The following PDE1C variants were observed in gnomAD, a reference collection of about 807,000 sequenced individuals.
PDE1C encodes the protein dual specificity calcium/calmodulin-dependent 3',5'-cyclic nucleotide phosphodiesterase 1C.
A neutral mutation model predicts 93.1 loss-of-function variants in PDE1C; 62 were observed. The ratio of observed to expected loss-of-function variants is 0.67; its 90% confidence interval spans 0.54 to 0.82. PDE1C has a LOEUF of 0.82. Ranked by LOEUF, PDE1C falls within the 40% of genes least tolerant of loss-of-function variation. PDE1C has a pLI of 0.00. For synonymous variants in PDE1C, 325 were observed against 310.1 expected (o/e 1.05, Z -0.50); for missense variants, 742 against 884.6 (o/e 0.84, Z 2.04).
chr7:32,411,241 A>T (rs996461301), intron 1 of PDE1C, among the ~76,000 whole-genome samples: 2 of 152,200 alleles, frequency 1.3e-5, no homozygotes, highest in East Asian at 3.8e-4. Flanking sequence ...GAAGTGGATG[A>T]GCAAACCGTA....
chr7:32,191,166 CCTT>C (rs765332958), intron 2 of PDE1C, among the ~76,000 whole-genome samples: 1 of 152,168 alleles, frequency 6.6e-6, no homozygotes, highest in Non-Finnish European at 1.5e-5. Flanking sequence ...TTTAATCACT[CCTT>C]CTTTTGAGAG....
At chr7:32,299,321 A>C in exon 1 of PDE1C, 1 of 985,732 alleles carries the variant, frequency 1.0e-6, no homozygotes, top group South Asian at 4.7e-5. Flanking sequence ...TACTCCAAAC[A>C]AGGAAGTCGG....
At chr7:32,262,381 T>C (rs748322275) in intron 1 of PDE1C, among the ~76,000 whole-genome samples, 7 of 151,908 alleles carry the variant, frequency 4.6e-5, no homozygotes, top group African/African-American at 9.7e-5. Context: ...CTGATTACCT[T>C]TGAAGGAGAG....
chr7:32,334,075 A>G (rs1409399020), intron 1 of PDE1C, among the ~76,000 whole-genome samples: 2 of 152,192 alleles, frequency 1.3e-5, no homozygotes, highest in Non-Finnish European at 2.9e-5. Context: ...TTAACCACCA[A>G]TTAATGATTG....
chr7:32,353,885 A>T, intron 1 of PDE1C, among the ~76,000 whole-genome samples: 1 of 152,188 alleles, frequency 6.6e-6, no homozygotes, highest in African/African-American at 2.4e-5. Flanking sequence ...GAATATCATG[A>T]CATCAATACA....
At chr7:32,246,043 A>T (rs1476798022) in intron 1 of PDE1C, among the ~76,000 whole-genome samples, 1 of 144,964 alleles carries the variant, frequency 6.9e-6, no homozygotes, top group Non-Finnish European at 1.5e-5. Context: ...ATCAGAGCTC[A>T]CTGAAGCCTC....
chr7:31,808,281 G>C (rs752439991), intron 16 of PDE1C: 5 of 384,816 alleles, frequency 1.3e-5, no homozygotes, highest in Middle Eastern at 4.0e-4. Context: ...AAACCACTCC[G>C]TGGAAACTTT....
intron 17 of PDE1C, among the ~76,000 whole-genome samples, chr7:31,774,690 G>T (rs561214145): frequency 6.6e-6 from 1 of 152,318 alleles, no homozygotes; most frequent in South Asian, 2.1e-4. Context: ...TGAAATATTT[G>T]TTGAAGTATT....
At chr7:32,255,742 T>C (rs899254263) in intron 1 of PDE1C, among the ~76,000 whole-genome samples, 4 of 152,068 alleles carry the variant, frequency 2.6e-5, no homozygotes, top group African/African-American at 7.2e-5. Flanking sequence ...GAAAGAAAAG[T>C]ACAGAGGCAG....
chr7:32,054,654 C>G (rs897006198), intron 1 of PDE1C, among the ~76,000 whole-genome samples: 1 of 152,154 alleles, frequency 6.6e-6, no homozygotes, highest in African/African-American at 2.4e-5. Flanking sequence ...GACCAGAAGT[C>G]TGATTTTCAG....
chr7:31,811,832 T>G (rs1156866660), intron 15 of PDE1C, among the ~76,000 whole-genome samples: 2 of 152,044 alleles, frequency 1.3e-5, no homozygotes, highest in African/African-American at 4.8e-5. Flanking sequence ...GGGCAAAGAT[T>G]AGAAGATCCT....
intron 2 of PDE1C, among the ~76,000 whole-genome samples, chr7:31,998,217 C>A (rs1034716854): frequency 3.9e-5 from 6 of 152,144 alleles, no homozygotes; most frequent in Non-Finnish European, 5.9e-5. Context: ...GACAGGGTTT[C>A]ACCATGTTAG....
chr7:32,195,661 G>A (rs1354091175), intron 2 of PDE1C, among the ~76,000 whole-genome samples: 1 of 151,862 alleles, frequency 6.6e-6, no homozygotes, highest in Non-Finnish European at 1.5e-5. Context: ...AAACCAGCCT[G>A]GGCAACATAG....
At position 32,378,714 on chromosome 7, in the gene PDE1C, G is replaced by A. The variant is rs148935290; in HGVS notation, c.310+49108C>T. The stretch of plus-strand genomic sequence containing the variant: ...CCACCCCATCCAGAAGTGCTTCAGC[G>A]CAGGAGGATCATTTCCCACATCCCT... On this transcript the variant is annotated intron_variant, in intron 1 of 1. Transcript: ENST00000672256. 1.4e-3 allele frequency among the ~76,000 whole-genome samples: 219 copies of A among 152,164 alleles called. 2 individuals carry two copies. Among genetic ancestry groups the A allele is most frequent in the African/African-American group, 4.5e-3 (186 of 41,504 alleles).
chr7:32,119,138 G>A (rs1425952223), intron 3 of PDE1C, among the ~76,000 whole-genome samples: 1 of 152,000 alleles, frequency 6.6e-6, no homozygotes, highest in Non-Finnish European at 1.5e-5. Context: ...ATCAATCATG[G>A]ATATCCTTGG....
chr7:31,878,881 C>T, intron 4 of PDE1C, 115 bp downstream of exon 4: 1 of 1,032,722 alleles, frequency 9.7e-7, no homozygotes, highest in Non-Finnish European at 1.4e-6. Flanking sequence ...TTTCTACCCA[C>T]AATTTTCAGT....
At chr7:31,618,975 G>A in the PDE1C span, among the ~76,000 whole-genome samples, 7 of 152,188 alleles carry the variant, frequency 4.6e-5, no homozygotes, top group Non-Finnish European at 1.0e-4. Context: ...AGGATTCACT[G>A]TGGAAGACCT....
chr7:32,403,337 A>G (rs1429334416), intron 1 of PDE1C, among the ~76,000 whole-genome samples: 1 of 152,104 alleles, frequency 6.6e-6, no homozygotes, highest in Non-Finnish European at 1.5e-5. Flanking sequence ...TCCACTGTAG[A>G]TTTCCACTTC....
intron 16 of PDE1C, among the ~76,000 whole-genome samples, chr7:31,798,364 A>G (rs141203652): frequency 1.7e-3 from 252 of 151,750 alleles, no homozygotes; most frequent in African/African-American, 5.6e-3. Context: ...CTTTCTAATC[A>G]TCACATATCC....
Sources: gnomAD v4.1 joint callset for allele counts (sites outside exome capture counted in the v4.1 genomes callset) on GRCh38, gnomAD v4.1.1 for gene constraint, MANE v1.5 for transcripts, NCBI Gene and HGNC (gene_info 2026-07-23, HGNC 2026-07-21) for gene names.